Variants in MGAT4C observed in about 807,000 individuals in gnomAD.
The protein encoded by MGAT4C is alpha-1,3-mannosyl-glycoprotein 4-beta-N-acetylglucosaminyltransferase C.
In MGAT4C, 19 loss-of-function variants were observed where a neutral mutation model predicts 40.1. That is an observed-to-expected ratio of 0.47 (90% CI 0.33 to 0.70). The LOEUF (loss-of-function observed/expected upper bound fraction) is 0.70. MGAT4C is among the 30% of genes least tolerant of loss of function. The pLI, the probability that MGAT4C is intolerant of heterozygous loss-of-function variation, is 0.02. For missense variants in MGAT4C, 491 were observed against 563.2 expected (o/e 0.87, Z 1.30); for synonymous variants, 181 against 187.1 (o/e 0.97, Z 0.27).
chr12:86,377,560 C>T (rs368804506), intron 3 of MGAT4C, among the ~76,000 whole-genome samples: 11 of 152,116 alleles, frequency 7.2e-5, no homozygotes, highest in South Asian at 2.1e-4. Context: ...TAATGACTTG[C>T]GCTCTTAACG....
At chr12:86,215,649 G>C (rs1321903558) in intron 1 of MGAT4C, among the ~76,000 whole-genome samples, 1 of 152,080 alleles carries the variant, frequency 6.6e-6, no homozygotes, top group Non-Finnish European at 1.5e-5. Context: ...TCACGTTGCT[G>C]TGGGGAGCTC....
At chr12:86,321,701 A>C (rs917999327) in intron 4 of MGAT4C, among the ~76,000 whole-genome samples, 1 of 152,178 alleles carries the variant, frequency 6.6e-6, no homozygotes, top group Non-Finnish European at 1.5e-5. Flanking sequence ...TAGAATGGCG[A>C]TCATTAACAA....
At chr12:86,814,647 T>C (rs184912805) in intron 1 of MGAT4C, among the ~76,000 whole-genome samples, 9 of 152,042 alleles carry the variant, frequency 5.9e-5, no homozygotes, top group Admixed American at 5.9e-4. Flanking sequence ...ACCCCGAAAT[T>C]CATGTGTTGA....
intron 1 of MGAT4C, among the ~76,000 whole-genome samples, chr12:86,165,617 A>G (rs376781888): frequency 1.3e-5 from 2 of 152,274 alleles, no homozygotes; most frequent in South Asian, 4.1e-4. Flanking sequence ...AGGCTGGTCT[A>G]TTATTTAAAT....
At chr12:86,396,935 G>A (rs1956273161) in intron 3 of MGAT4C, among the ~76,000 whole-genome samples, 1 of 5,094 alleles carries the variant, frequency 2.0e-4, no homozygotes, top group Admixed American at 1.9e-3. Context: ...TAATACAAAT[G>A]TTCCTCAGCT....
At chr12:86,387,293 TATA>T (rs1402595205) in intron 3 of MGAT4C, among the ~76,000 whole-genome samples, 1 of 152,122 alleles carries the variant, frequency 6.6e-6, no homozygotes, top group Non-Finnish European at 1.5e-5. Context: ...TAGATTCATG[TATA>T]ATATTTGATA....
chr12:86,024,221 G>A (rs1335038521), intron 2 of MGAT4C, among the ~76,000 whole-genome samples: 4 of 151,504 alleles, frequency 2.6e-5, no homozygotes, highest in African/African-American at 9.7e-5. Flanking sequence ...CGTAAATAAC[G>A]TTAAACTGGA....
At chr12:86,052,690 C>T (rs1893004687) in intron 1 of MGAT4C, among the ~76,000 whole-genome samples, 1 of 151,776 alleles carries the variant, frequency 6.6e-6, no homozygotes, top group Non-Finnish European at 1.5e-5. Flanking sequence ...CTATGCTCAC[C>T]TGAATCTTAA....
intron 2 of MGAT4C, among the ~76,000 whole-genome samples, chr12:86,563,024 G>C (rs1959941479): frequency 6.6e-6 from 1 of 152,118 alleles, no homozygotes. Context: ...CAAAGGCTTA[G>C]GGAGATTGGG....
intron 2 of MGAT4C, among the ~76,000 whole-genome samples, chr12:86,528,628 C>G (rs1958925464): frequency 6.6e-6 from 1 of 151,852 alleles, no homozygotes; most frequent in Non-Finnish European, 1.5e-5. Context: ...TGAACTTATG[C>G]AAAAATTAAA....
chr12:85,987,384 G>A (rs974525147), intron 3 of MGAT4C, among the ~76,000 whole-genome samples: 1 of 151,786 alleles, frequency 6.6e-6, no homozygotes, highest in African/African-American at 2.4e-5. Flanking sequence ...TGATCCGCCC[G>A]CCTCGGCCTC....
At chr12:85,994,474 A>C (rs1026279065) in intron 2 of MGAT4C, among the ~76,000 whole-genome samples, 5 of 152,184 alleles carry the variant, frequency 3.3e-5, no homozygotes, top group African/African-American at 1.2e-4. Flanking sequence ...AGAACAAAAT[A>C]AATGTCATTT....
rs1592577930 is a variant in MGAT4C at position 85,971,374 on chromosome 12, T to A, written c.*7915A>T. ...GAAACAAATATTACAAAATATGTTG[T>A]TAACTTTTCAAAGATGATCGGTTTA... is the stretch of plus-strand genomic sequence containing the variant. On this transcript the variant is annotated 3_prime_UTR_variant, in exon 5 of 5. Coordinates refer to ENST00000611864, the MANE Select transcript of MGAT4C (RefSeq NM_001351288.2). The A allele has an allele frequency of 2.0e-5, 3 of 151,326 alleles. No individual in the cohort carries two copies. The highest frequency in any genetic ancestry group is 2.0e-4 in the Admixed American group (3 of 15,144). The allele number at this position is 151,326 out of a possible 1,614,324, so 9.4% of individuals were successfully genotyped here. A position where few individuals can be genotyped will look rare whatever the true frequency, so the allele number is the denominator to read the frequency against.
rs540291303 is a variant in MGAT4C at position 86,638,888 on chromosome 12, G to A, written c.-229+88321C>T. On this transcript the variant is annotated intron_variant, in intron 2 of 7. Transcript: ENST00000548651. ...CTTTTATAATAGCATTCATTACATG[G>A]AATTCAATTATTGGTTTCTATTTCA... Among the ~76,000 whole-genome samples, 8 of 151,762 alleles carry A rather than the reference G, an allele frequency of 5.3e-5. No individual in the cohort carries two copies. In the South Asian group the frequency reaches 1.7e-3, roughly 31 times the overall value.
intron 1 of MGAT4C, among the ~76,000 whole-genome samples, chr12:86,092,693 G>A (rs2068290281): frequency 2.0e-5 from 3 of 151,946 alleles, no homozygotes; most frequent in African/African-American, 7.3e-5. Context: ...TTATTCTCAA[G>A]CATCTAGACC....
At chr12:86,604,915 G>A (rs752642613) in intron 2 of MGAT4C, among the ~76,000 whole-genome samples, 1 of 152,062 alleles carries the variant, frequency 6.6e-6, no homozygotes, top group Non-Finnish European at 1.5e-5. Context: ...CAACATCTTC[G>A]CCTTCACCTT....
At chr12:86,140,127 C>T (rs987475175) in intron 1 of MGAT4C, among the ~76,000 whole-genome samples, 2 of 152,132 alleles carry the variant, frequency 1.3e-5, no homozygotes, top group African/African-American at 4.8e-5. Context: ...ATATGATAAA[C>T]TTCTTCCTGG....
chr12:86,354,907 G>A (rs1253026864), intron 3 of MGAT4C, among the ~76,000 whole-genome samples: 1 of 152,218 alleles, frequency 6.6e-6, no homozygotes, highest in Non-Finnish European at 1.5e-5. Context: ...TTACTGTGAA[G>A]AGCAAAAGAA....
chr12:86,782,113 C>T (rs1357552902), intron 1 of MGAT4C, among the ~76,000 whole-genome samples: 1 of 148,884 alleles, frequency 6.7e-6, no homozygotes, highest in African/African-American at 2.5e-5. Context: ...CTGCCTCAGC[C>T]TTCTGAGTAG....
Sources: allele counts gnomAD v4.1 joint callset (sites outside exome capture counted in the v4.1 genomes callset), GRCh38; gene constraint gnomAD v4.1.1; transcripts MANE v1.5; gene names NCBI Gene and HGNC (gene_info 2026-07-23, HGNC 2026-07-21).